The following PRR16 variants were observed in gnomAD, a reference collection of about 807,000 sequenced individuals.
PRR16 encodes the protein protein Largen.
PRR16 carries 6 observed loss-of-function variants against 18.2 expected under a neutral mutation model. That is an observed-to-expected ratio of 0.33 (90% confidence interval 0.18 to 0.65). The LOEUF (loss-of-function observed/expected upper bound fraction) is 0.65, where lower values mean the gene tolerates loss of function less well. Ranked by LOEUF, PRR16 falls within the 30% of genes least tolerant of loss-of-function variation. The pLI is 0.74. For synonymous variants in PRR16, 151 were observed against 147.8 expected (o/e 1.02, Z -0.16); for missense variants, 412 against 376.6 (o/e 1.09, Z -0.78).
intron 1 of PRR16, among the ~76,000 whole-genome samples, chr5:120,529,015 T>C (rs73784577): frequency 0.023 from 3,462 of 152,208 alleles, 61 homozygotes; most frequent in African/African-American, 0.049. Context: ...TTTAATTAAA[T>C]CATTTTTTTT....
intron 1 of PRR16, among the ~76,000 whole-genome samples, chr5:120,596,354 A>G (rs1010055920): frequency 1.3e-5 from 2 of 151,760 alleles, no homozygotes; most frequent in Non-Finnish European, 2.9e-5. Flanking sequence ...GAAGAGCTGA[A>G]CAATTTCCAC....
intron 1 of PRR16, among the ~76,000 whole-genome samples, chr5:120,645,167 C>G (rs1755546780): frequency 6.6e-6 from 1 of 152,016 alleles, no homozygotes; most frequent in African/African-American, 2.4e-5. Context: ...ATTTACTAAA[C>G]CAGTAAAGAT....
intron 1 of PRR16, among the ~76,000 whole-genome samples, chr5:120,478,757 G>C (rs2604162): frequency 0.066 from 10,044 of 152,108 alleles, 735 homozygotes; most frequent in African/African-American, 0.18. Flanking sequence ...TTCTAAATCA[G>C]ATGTAATTCT....
At chr5:120,728,664 C>G in the PRR16 span, among the ~76,000 whole-genome samples, 1 of 152,136 alleles carries the variant, frequency 6.6e-6, no homozygotes, top group East Asian at 1.9e-4. Flanking sequence ...GACTCTACAG[C>G]GAAATGCTTC....
the PRR16 span, among the ~76,000 whole-genome samples, chr5:120,692,605 G>A: frequency 6.6e-6 from 1 of 152,080 alleles, no homozygotes; most frequent in Non-Finnish European, 1.5e-5. Flanking sequence ...TATGGGTGTG[G>A]GCCCAAGTCA....
At chr5:120,483,073 A>T (rs920750999) in intron 1 of PRR16, among the ~76,000 whole-genome samples, 1 of 152,178 alleles carries the variant, frequency 6.6e-6, no homozygotes, top group Non-Finnish European at 1.5e-5. Context: ...TTAAATCAAC[A>T]AACGTTCATT....
At chr5:120,647,298 G>A (rs1320034241) in intron 1 of PRR16, among the ~76,000 whole-genome samples, 1 of 151,728 alleles carries the variant, frequency 6.6e-6, no homozygotes, top group Non-Finnish European at 1.5e-5. Flanking sequence ...ACAGAAAAGG[G>A]TATTATGATG....
chr5:120,737,701 G>A, the PRR16 span, among the ~76,000 whole-genome samples: 1 of 151,088 alleles, frequency 6.6e-6, no homozygotes, highest in Admixed American at 6.6e-5. Flanking sequence ...TCAGTTTCTG[G>A]TAGAATTCTT....
chr5:120,585,006 CT>C (rs1269010447), intron 1 of PRR16, among the ~76,000 whole-genome samples: 1 of 152,156 alleles, frequency 6.6e-6, no homozygotes, highest in Non-Finnish European at 1.5e-5. Flanking sequence ...ATCATCTTAG[CT>C]GTTGTTTTCA....
chr5:120,649,214 C>G (rs184284415), intron 1 of PRR16, among the ~76,000 whole-genome samples: 1 of 152,088 alleles, frequency 6.6e-6, no homozygotes, highest in East Asian at 1.9e-4. Context: ...TTTTAATATT[C>G]TTTTCTCCTA....
rs1753169326 is a variant in PRR16, at chr5:120,578,890, C to T, written c.160-107064C>T. 5.9e-5 allele frequency among the ~76,000 whole-genome samples: 9 copies of T among 152,088 alleles called. No individual in the cohort carries two copies. The South Asian group carries it at 1.0e-3, about 18-fold the overall frequency. On this transcript the variant is annotated intron_variant, in intron 1 of 1. Transcript: ENST00000407149. ...CAGTGTAAAAGTGTTCCTATTTCTC[C>T]GCACCCTCGCCAGCATCTATTATTG...
chr5:120,750,523 C>T, the PRR16 span, among the ~76,000 whole-genome samples: 1 of 151,762 alleles, frequency 6.6e-6, no homozygotes, highest in East Asian at 1.9e-4. Context: ...AAAAATTAGC[C>T]CAGTGTGGTG....
At chr5:120,754,258 A>ATAT in the PRR16 span, among the ~76,000 whole-genome samples, 9 of 93,168 alleles carry the variant, frequency 9.7e-5, no homozygotes, top group African/African-American at 4.5e-4. Flanking sequence ...TATAATATAA[A>ATAT]AATATAAATA....
the PRR16 span, among the ~76,000 whole-genome samples, chr5:120,754,509 T>TTTG: frequency 1.4e-5 from 1 of 73,178 alleles, no homozygotes; most frequent in South Asian, 4.4e-4. Flanking sequence ...TTATTATGTA[T>TTTG]ATTATATATT....
chr5:120,720,885 C>T, the PRR16 span, among the ~76,000 whole-genome samples: 1 of 152,108 alleles, frequency 6.6e-6, no homozygotes, highest in African/African-American at 2.4e-5. Flanking sequence ...TTCAAATACC[C>T]TATCCTTCAG....
intron 1 of PRR16, among the ~76,000 whole-genome samples, chr5:120,505,376 T>TA (rs1750605764): frequency 6.6e-6 from 1 of 151,120 alleles, no homozygotes; most frequent in African/African-American, 2.5e-5. Flanking sequence ...ATAGGTTGCT[T>TA]AAAAGGTATT....
At chr5:120,569,247 T>C (rs983530907) in intron 1 of PRR16, among the ~76,000 whole-genome samples, 1 of 152,218 alleles carries the variant, frequency 6.6e-6, no homozygotes, top group African/African-American at 2.4e-5. Context: ...AAATGTGTGC[T>C]TTCATAAGCT....
At chr5:120,556,933 A>G (rs1752431874) in intron 1 of PRR16, among the ~76,000 whole-genome samples, 1 of 150,680 alleles carries the variant, frequency 6.6e-6, no homozygotes, top group Non-Finnish European at 1.5e-5. Flanking sequence ...TAACCAGTAG[A>G]CCCAACTGCT....
intron 1 of PRR16, among the ~76,000 whole-genome samples, chr5:120,537,778 T>A (rs1378918764): frequency 5.2e-4 from 75 of 143,312 alleles, no homozygotes; most frequent in East Asian, 4.5e-3. Context: ...TGTTTTTTTT[T>A]TTTTTTTTTT....
Sources: gnomAD v4.1 joint callset for allele counts (sites outside exome capture counted in the v4.1 genomes callset) on GRCh38, gnomAD v4.1.1 for gene constraint, MANE v1.5 for transcripts, NCBI Gene and HGNC (gene_info 2026-07-23, HGNC 2026-07-21) for gene names.